CCDC40: variants seen among roughly 807,000 people sequenced by gnomAD.
The protein encoded by CCDC40 is coiled-coil domain 40 molecular ruler complex subunit, also known as coiled-coil domain-containing protein 40.
CCDC40 carries 104 observed loss-of-function variants against 124.5 expected under a neutral mutation model. The ratio of observed to expected loss-of-function variants is 0.84; its 90% CI spans 0.71 to 0.98. CCDC40 has a LOEUF of 0.98. Among genes scored for constraint, CCDC40 ranks in the 50% least tolerant of loss-of-function variants. The pLI is 0.00. For synonymous variants in CCDC40, 580 were observed against 602.9 expected, an observed-to-expected ratio of 0.96 and a Z score of 0.56; for missense variants, 1,463 against 1,503.9, an observed-to-expected ratio of 0.97 and a Z score of 0.45.
At chr17:80,084,721 G>T in intron 12 of CCDC40, 22 bp from the exon 13 acceptor site, 1 of 1,613,588 alleles carries the variant, frequency 6.2e-7, no homozygotes, top group Non-Finnish European at 8.5e-7. Flanking sequence ...ATATTCACAG[G>T]TATTTCTTTT....
intron 5 of CCDC40, 89 bp from the exon 6 acceptor site, chr17:80,049,817 A>G: frequency 9.4e-7 from 1 of 1,069,394 alleles, no homozygotes; most frequent in Non-Finnish European, 1.5e-6. Context: ...GGCCCACCGG[A>G]GGGAGACCTG....
intron 17 of CCDC40, among the ~76,000 whole-genome samples, chr17:80,091,302 TACACACACACACAC>T (rs71163919): frequency 4.6e-4 from 64 of 139,614 alleles, no homozygotes; most frequent in South Asian, 7.2e-4. Flanking sequence ...ACCAGTAGAC[TACACACACACACAC>T]ACACACACAC....
rs80207190 is a variant in CCDC40 at position 80,065,379 on chromosome 17, A to G, written c.1441-106A>G. ...CATGATCAAGGAAAGTACCGGTGATAGAAGGAAAAGAGGAAGATTTGGGAA... is the reference window on the plus strand; with the variant it reads ...CATGATCAAGGAAAGTACCGGTGATGGAAGGAAAAGAGGAAGATTTGGGAA... On this transcript the variant is annotated intron_variant, in intron 9 of 19. Coordinates refer to ENST00000397545, the MANE Select transcript of CCDC40 (RefSeq NM_017950.4). The G allele has an allele frequency of 0.1, 145,893 of 1,453,742 alleles. 7,753 individuals are homozygous for G. Among genetic ancestry groups the G allele is most frequent in the Middle Eastern group, 0.13 (752 of 5,784 alleles). 90.1% of individuals were successfully genotyped at this position (1,453,742 alleles called of 1,614,324 possible). A position where few individuals can be genotyped will look rare whatever the true frequency, so the allele number is the denominator to read the frequency against.
chr17:80,042,895 G>C (rs955491639), intron 3 of CCDC40, among the ~76,000 whole-genome samples: 3 of 151,134 alleles, frequency 2.0e-5, no homozygotes, highest in African/African-American at 7.3e-5. Flanking sequence ...AGGGTATTGG[G>C]TTTTGTCAAA....
At chr17:80,088,247 T>G (rs1222835116) in intron 16 of CCDC40, 145 bp downstream of exon 16, 2 of 719,792 alleles carry the variant, frequency 2.8e-6, no homozygotes, top group Non-Finnish European at 5.1e-6. Context: ...GTTGTTTTGT[T>G]TTTTGTTTTG....
chr17:80,097,270 T>C lies in CCDC40; in HGVS notation c.3047T>C (p.Val1016Ala), dbSNP rs763296887. ...GCCACCGATGAGTGCACCAAAACCG[T>C]CCTGGAACTGGAAGAAACACAAAGA... The part of the protein sequence containing the change: ...RKATDECTKT[V>A]LELEETQRNV... Residue 1016 changes from valine (V) to alanine (A), a missense_variant, in exon 19 of 20, where the codon GTC becomes GCC. By Grantham distance (64) the Val-to-Ala change is moderately conservative (BLOSUM62 0). Transcript: ENST00000397545. 1 of 1,613,852 alleles carries C rather than the reference T, an allele frequency of 6.2e-7. No homozygotes were observed. The highest frequency in any genetic ancestry group is 1.7e-5 in the Admixed American group (1 of 60,020).
chr17:80,043,145 A>G (rs1271597852), intron 3 of CCDC40, among the ~76,000 whole-genome samples: 2 of 152,110 alleles, frequency 1.3e-5, no homozygotes, highest in African/African-American at 2.4e-5. Flanking sequence ...CATTACTGTC[A>G]TTATGTATTT....
intron 3 of CCDC40, among the ~76,000 whole-genome samples, chr17:80,046,716 C>T (rs1456292457): frequency 1.3e-5 from 2 of 152,260 alleles, no homozygotes; most frequent in South Asian, 4.1e-4. Flanking sequence ...GCGGAAAAGC[C>T]TCGGCTCCTG....
rs148748770 is a variant in CCDC40 at position 80,043,469 on chromosome 17, G to A, written c.552+3199G>A. Among the ~76,000 whole-genome samples, 35 of 151,576 alleles carry A rather than the reference G, an allele frequency of 2.3e-4. 1 individual carries two copies. The East Asian group carries it at 6.6e-3, about 29-fold the overall frequency. ...ACATACACCATGTACACAGACATTC[G>A]CTCACATCTATATTTATTGGAACAC... On this transcript the variant is annotated intron_variant, in intron 3 of 19. Coordinates refer to ENST00000397545, the MANE Select transcript of CCDC40 (RefSeq NM_017950.4).
chr17:80,049,922 TC>T lies in CCDC40; in HGVS notation c.874del (p.Gln292ArgfsTer4). 2 of 1,614,004 alleles carry T rather than the reference TC, an allele frequency of 1.2e-6. No individual in the cohort carries two copies. The highest frequency in any genetic ancestry group is 1.7e-6 in the Non-Finnish European group (2 of 1,179,982). On this transcript the variant is annotated frameshift_variant, in exon 6 of 20. Transcript: ENST00000397545. LOFTEE classifies it high-confidence loss of function. ...TTGTTCTAGCCCCTGATGGTAAGAT[TC>T]CAGGCTGCCCTGAAGAACTACCTGA... ...LDPDHPLMVR[F>X]QAALKNYLNR...
chr17:80,056,016 A>ATTTTTTTTTTTTTTTTTTTTTTT (rs1193599741), intron 7 of CCDC40, among the ~76,000 whole-genome samples: 1 of 10,252 alleles, frequency 9.8e-5, no homozygotes, highest in African/African-American at 3.5e-4. Context: ...ATATATATAT[A>ATTTTTTTTTTTTTTTTTTTTTTT]TTTTTTTTTT....
At chr17:80,093,967 T>C (rs2038762092) in intron 17 of CCDC40, among the ~76,000 whole-genome samples, 1 of 152,222 alleles carries the variant, frequency 6.6e-6, no homozygotes, top group Admixed American at 6.5e-5. Flanking sequence ...TTAGTGTTTC[T>C]TAGTGTGGCT....
chr17:80,075,585 C>A (rs1436993757), intron 10 of CCDC40, among the ~76,000 whole-genome samples: 1 of 152,174 alleles, frequency 6.6e-6, no homozygotes, highest in East Asian at 1.9e-4. Context: ...GTTAGTGGAA[C>A]ATGCAAAGCT....
intron 10 of CCDC40, 146 bp downstream of exon 10, chr17:80,065,752 AG>A: frequency 9.1e-7 from 1 of 1,096,756 alleles, no homozygotes; most frequent in African/African-American, 1.6e-5. Flanking sequence ...CCGTCCGGAA[AG>A]CTCCCTCATT....
chr17:80,092,796 A>G (rs73438103), intron 17 of CCDC40, among the ~76,000 whole-genome samples: 3,677 of 151,876 alleles, frequency 0.024, 129 homozygotes, highest in African/African-American at 0.08. Flanking sequence ...TCTTTCATGG[A>G]TCGTTTCAGT....
chr17:80,060,945 TA>T (rs1335645344), intron 9 of CCDC40, among the ~76,000 whole-genome samples: 4 of 152,320 alleles, frequency 2.6e-5, no homozygotes, highest in African/African-American at 7.2e-5. Context: ...ATCAAGTATT[TA>T]AATGGGGGAA....
chr17:80,059,488 T>TAA (rs538629976), intron 9 of CCDC40, among the ~76,000 whole-genome samples: 10 of 120,862 alleles, frequency 8.3e-5, no homozygotes, highest in East Asian at 2.5e-4. Context: ...TACTGCAACT[T>TAA]AAAAAAAAAA....
At position 80,051,400 on chromosome 17, in the gene CCDC40, C is replaced by T. The variant is rs550588466; in HGVS notation, c.1159+1117C>T. On this transcript the variant is annotated intron_variant, in intron 7 of 19. Coordinates refer to ENST00000397545, the MANE Select transcript of CCDC40 (RefSeq NM_017950.4). ...ATCCTAGCACTTTGGGAGGCCGAGG[C>T]GGGCGGATCACGAGGTCAGGAGATC... The T allele has an allele frequency of 2.1e-4, 78 of 364,818 alleles. 1 individual carries two copies. In the South Asian group the frequency reaches 7.1e-3, roughly 33 times the overall value. The allele number at this position is 364,818 out of a possible 1,614,324, so 22.6% of individuals were successfully genotyped here. A position where few individuals can be genotyped will look rare whatever the true frequency, so the allele number is the denominator to read the frequency against.
At chr17:80,038,399 T>C (rs1465489367) in intron 2 of CCDC40, among the ~76,000 whole-genome samples, 5 of 152,074 alleles carry the variant, frequency 3.3e-5, no homozygotes, top group Non-Finnish European at 4.4e-5. Flanking sequence ...GGCGTGGTGG[T>C]GCGCACATGT....
Sources: allele counts gnomAD v4.1 joint callset (sites outside exome capture counted in the v4.1 genomes callset), GRCh38; gene constraint gnomAD v4.1.1; transcripts MANE v1.5; gene names NCBI Gene and HGNC (gene_info 2026-07-23, HGNC 2026-07-21).